The following DNAJC5B variants were observed in gnomAD, a reference collection of about 807,000 sequenced individuals.
DNAJC5B encodes dnaJ homolog subfamily C member 5B.
In DNAJC5B, 23 loss-of-function variants were observed where a neutral mutation model predicts 24.7. The observed-to-expected ratio is 0.93, with a 90% CI of 0.67 to 1.32. The LOEUF is 1.32. DNAJC5B is among the 40% of genes most tolerant of loss of function. The pLI is 0.00. For missense variants in DNAJC5B, 238 were observed against 240.8 expected (o/e 0.99, Z 0.08); for synonymous variants, 101 against 90.1 (o/e 1.12, Z -0.68).
Position 66,100,108 on chromosome 8 carries a change from G to A in DNAJC5B, c.*77G>A. ...CCAGATGGTCGTAGGGGAGCGTGTGGGGCATAAAGTGCTGTGAACTTTTCC... is the reference window on the plus strand; with the variant it reads ...CCAGATGGTCGTAGGGGAGCGTGTGAGGCATAAAGTGCTGTGAACTTTTCC... On this transcript the variant is annotated 3_prime_UTR_variant, in exon 6 of 6. Transcript: ENST00000276570. 2.4e-6 allele frequency: 3 copies of A among 1,254,824 alleles called. No individual in the cohort carries two copies. The highest frequency in any genetic ancestry group is 3.3e-6 in the Non-Finnish European group (3 of 899,486). 77.7% of individuals were successfully genotyped at this position (1,254,824 alleles called of 1,614,324 possible).
chr8:66,052,791 G>T (rs1184520921), intron 3 of DNAJC5B, among the ~76,000 whole-genome samples: 1 of 152,166 alleles, frequency 6.6e-6, no homozygotes, highest in Admixed American at 6.5e-5. Context: ...ACCTCTTAGG[G>T]CATTTTGAGG....
At chr8:66,018,999 G>T (rs975659880), upstream of DNAJC5B, among the ~76,000 whole-genome samples, 1 of 152,180 alleles carries the variant, frequency 6.6e-6, no homozygotes. Flanking sequence ...GCTTCTGTGT[G>T]CTCCAGGTGT....
intron 5 of DNAJC5B, among the ~76,000 whole-genome samples, chr8:66,092,587 G>A (rs1807869880): frequency 6.6e-6 from 1 of 152,104 alleles, no homozygotes; most frequent in African/African-American, 2.4e-5. Context: ...GAAAAAGAAT[G>A]TTACCATCAC....
chr8:66,062,491 A>ATTTT (rs1160988239), intron 3 of DNAJC5B, among the ~76,000 whole-genome samples: 1 of 152,252 alleles, frequency 6.6e-6, no homozygotes, highest in African/African-American at 2.4e-5. Flanking sequence ...TAACATAAAC[A>ATTTT]TTGGTTTTTA....
In DNAJC5B at chr8:66,101,230, T is replaced by G. The variant is rs1808066941; in HGVS notation, c.*1199T>G. Among the ~76,000 whole-genome samples the G allele has an allele frequency of 6.6e-6, 1 of 152,224 alleles. No individual in the cohort carries two copies. The highest frequency in any genetic ancestry group is 2.4e-5 in the African/African-American group (1 of 41,468). ...ATAGCTCTGATAGTTCTGAGGTCAT[T>G]AAAATTCCACTCTAACTCTTTAGTT... is the stretch of plus-strand genomic sequence containing the variant. On this transcript the variant is annotated 3_prime_UTR_variant, in exon 6 of 6. Transcript: ENST00000276570.
At chr8:66,034,816 G>C (rs1440959129) in intron 1 of DNAJC5B, among the ~76,000 whole-genome samples, 1 of 152,108 alleles carries the variant, frequency 6.6e-6, no homozygotes, top group Non-Finnish European at 1.5e-5. Context: ...GAAGGGCTGG[G>C]AGGAGAAGGC....
chr8:66,042,706 T>G (rs896309833), intron 1 of DNAJC5B, among the ~76,000 whole-genome samples: 3 of 54,170 alleles, frequency 5.5e-5, no homozygotes, highest in East Asian at 6.9e-4. Context: ...CCCCTCCCCC[T>G]CCCCCCTCCC....
intron 5 of DNAJC5B, among the ~76,000 whole-genome samples, chr8:66,096,002 T>C (rs1031563169): frequency 2.0e-5 from 3 of 152,168 alleles, no homozygotes; most frequent in African/African-American, 7.2e-5. Flanking sequence ...TCCATATATG[T>C]CTATTGAATA....
intron 1 of DNAJC5B, among the ~76,000 whole-genome samples, chr8:66,025,979 TG>T (rs1234948675): frequency 1.9e-5 from 2 of 104,038 alleles, no homozygotes; most frequent in East Asian, 2.0e-4. Context: ...GGTAGCTTGA[TG>T]GGGATGGCAT....
At chr8:66,098,238 CT>C (rs1306165577) in intron 5 of DNAJC5B, among the ~76,000 whole-genome samples, 1 of 149,792 alleles carries the variant, frequency 6.7e-6, no homozygotes, top group African/African-American at 2.5e-5. Context: ...GAGTCTCACT[CT>C]GTCACCAGGC....
chr8:66,044,646 T>C (rs1015191871), intron 2 of DNAJC5B, among the ~76,000 whole-genome samples: 5 of 152,174 alleles, frequency 3.3e-5, no homozygotes, highest in Non-Finnish European at 7.3e-5. Flanking sequence ...GAGCAGTACC[T>C]GGTTTGGTAG....
At chr8:66,045,387 T>A (rs1806701264) in intron 2 of DNAJC5B, among the ~76,000 whole-genome samples, 1 of 152,224 alleles carries the variant, frequency 6.6e-6, no homozygotes, top group South Asian at 2.1e-4. Context: ...TATTGATCAA[T>A]GCATATTATC....
At chr8:66,098,573 A>G (rs1205169585) in intron 5 of DNAJC5B, among the ~76,000 whole-genome samples, 4 of 151,874 alleles carry the variant, frequency 2.6e-5, no homozygotes, top group Non-Finnish European at 5.9e-5. Context: ...CAGCCATCAA[A>G]TCTTCAAATA....
At chr8:66,049,079 T>C (rs1806789330) in intron 2 of DNAJC5B, among the ~76,000 whole-genome samples, 1 of 152,242 alleles carries the variant, frequency 6.6e-6, no homozygotes, top group Non-Finnish European at 1.5e-5. Context: ...TCTGAAGACC[T>C]AGCCCACACT....
At chr8:66,097,886 G>C (rs1807988149) in intron 5 of DNAJC5B, among the ~76,000 whole-genome samples, 1 of 151,904 alleles carries the variant, frequency 6.6e-6, no homozygotes, top group South Asian at 2.1e-4. Flanking sequence ...TTTCGCTCTT[G>C]TCACCCAGGC....
chr8:66,022,445 C>T (rs1052204999), intron 1 of DNAJC5B, among the ~76,000 whole-genome samples: 8 of 152,150 alleles, frequency 5.3e-5, no homozygotes, highest in Non-Finnish European at 8.8e-5. Flanking sequence ...ACTGCGACCC[C>T]GGAGTTGGAG....
chr8:66,036,965 G>A (rs1410980819), intron 1 of DNAJC5B, among the ~76,000 whole-genome samples: 1 of 152,170 alleles, frequency 6.6e-6, no homozygotes, highest in Non-Finnish European at 1.5e-5. Context: ...TCGGTTCTGC[G>A]GCAGGGCTGG....
chr8:66,069,924 T>A (rs1326516540), intron 3 of DNAJC5B, among the ~76,000 whole-genome samples: 1 of 152,194 alleles, frequency 6.6e-6, no homozygotes, highest in Admixed American at 6.5e-5. Context: ...TCAATAAACA[T>A]AATCCATCAA....
At chr8:66,067,712 C>T (rs1260208632) in intron 3 of DNAJC5B, among the ~76,000 whole-genome samples, 1 of 152,100 alleles carries the variant, frequency 6.6e-6, no homozygotes, top group East Asian at 1.9e-4. Context: ...ACAGAGTTCC[C>T]CAGACAGCAG....
Sources: allele counts gnomAD v4.1 joint callset (sites outside exome capture counted in the v4.1 genomes callset), GRCh38; gene constraint gnomAD v4.1.1; transcripts MANE v1.5; gene names NCBI Gene and HGNC (gene_info 2026-07-23, HGNC 2026-07-21).